Variants in MACROD2 observed in about 807,000 individuals in gnomAD.
MACROD2 encodes mono-ADP ribosylhydrolase 2, also known as ADP-ribose glycohydrolase MACROD2.
MACROD2 carries 36 observed loss-of-function variants against 70.4 expected under a neutral mutation model. That is an observed-to-expected ratio of 0.51 (90% CI 0.39 to 0.68). MACROD2 has a LOEUF of 0.68. MACROD2 is among the 30% of genes least tolerant of loss of function. MACROD2 has a pLI of 0.00. For synonymous variants in MACROD2, 172 were observed against 178.8 expected, an observed-to-expected ratio of 0.96 and a Z score of 0.30; for missense variants, 496 against 538.4, an observed-to-expected ratio of 0.92 and a Z score of 0.78.
At chr20:15,402,489 A>G (rs1044877014) in intron 6 of MACROD2, among the ~76,000 whole-genome samples, 3 of 152,238 alleles carry the variant, frequency 2.0e-5, no homozygotes, top group African/African-American at 7.2e-5. Flanking sequence ...TGTAAAGGCC[A>G]GGGGATTCAT....
intron 4 of MACROD2, among the ~76,000 whole-genome samples, chr20:14,550,047 T>C (rs565193111): frequency 6.6e-6 from 1 of 151,928 alleles, no homozygotes; most frequent in Admixed American, 6.6e-5. Context: ...TTCTGCCTCC[T>C]GAGTAGCTGG....
At chr20:15,456,894 G>A (rs2046734453) in intron 7 of MACROD2, among the ~76,000 whole-genome samples, 1 of 151,950 alleles carries the variant, frequency 6.6e-6, no homozygotes, top group Admixed American at 6.6e-5. Flanking sequence ...GTGAAGTTTG[G>A]CTGTCCCTTC....
chr20:14,898,514 G>A (rs1224570428), intron 5 of MACROD2, among the ~76,000 whole-genome samples: 2 of 152,114 alleles, frequency 1.3e-5, no homozygotes, highest in South Asian at 2.1e-4. Flanking sequence ...AGATCACGAG[G>A]CCAGGAGTTC....
At chr20:14,862,708 T>TATAAATATATATATAAATATATATAA (rs2073384087) in intron 5 of MACROD2, among the ~76,000 whole-genome samples, 1 of 91,276 alleles carries the variant, frequency 1.1e-5, no homozygotes, top group Non-Finnish European at 1.9e-5. Context: ...TAAATATATA[T>TATAAATATATATATAAATATATATAA]ATATATATTT....
intron 4 of MACROD2, among the ~76,000 whole-genome samples, chr20:14,649,533 G>A (rs1438449818): frequency 6.6e-6 from 1 of 152,114 alleles, no homozygotes; most frequent in African/African-American, 2.4e-5. Flanking sequence ...GCTGCAAAGG[G>A]GATCCAAGAC....
intron 8 of MACROD2, among the ~76,000 whole-genome samples, chr20:15,564,013 T>C (rs2048278875): frequency 6.6e-6 from 1 of 152,198 alleles, no homozygotes. Flanking sequence ...TTGGATTAGA[T>C]CCCCTAAACT....
intron 13 of MACROD2, among the ~76,000 whole-genome samples, chr20:15,971,398 G>A (rs1264442398): frequency 6.6e-6 from 1 of 152,086 alleles, no homozygotes; most frequent in Non-Finnish European, 1.5e-5. Context: ...CATGAGATCT[G>A]ATCGTTTTAT....
intron 4 of MACROD2, among the ~76,000 whole-genome samples, chr20:14,625,723 T>C (rs1263639424): frequency 2.6e-5 from 4 of 152,196 alleles, no homozygotes; most frequent in African/African-American, 9.6e-5. Context: ...CAGCTAGTTG[T>C]CAATGAATAT....
intron 8 of MACROD2, among the ~76,000 whole-genome samples, chr20:15,624,253 C>G (rs192822123): frequency 8.5e-5 from 13 of 152,314 alleles, no homozygotes; most frequent in Non-Finnish European, 1.9e-4. Flanking sequence ...TTCTGCCTGC[C>G]TTTTCTAGCC....
chr20:14,312,886 C>G (rs751884126), intron 3 of MACROD2, among the ~76,000 whole-genome samples: 2 of 152,202 alleles, frequency 1.3e-5, no homozygotes, highest in Non-Finnish European at 2.9e-5. Flanking sequence ...TTTTCACAAC[C>G]ACTATCCTGT....
chr20:14,823,539 G>A (rs566800109), intron 5 of MACROD2, among the ~76,000 whole-genome samples: 2 of 152,148 alleles, frequency 1.3e-5, no homozygotes, highest in South Asian at 2.1e-4. Flanking sequence ...CAAGACTGCT[G>A]CTAGATTACC....
intron 8 of MACROD2, among the ~76,000 whole-genome samples, chr20:15,581,573 G>A (rs888031856): frequency 2.0e-5 from 3 of 152,164 alleles, no homozygotes; most frequent in African/African-American, 7.2e-5. Context: ...AAGGCGTTAT[G>A]GAGGCAGTAA....
chr20:14,961,722 A>C (rs1438390331), intron 5 of MACROD2, among the ~76,000 whole-genome samples: 1 of 152,128 alleles, frequency 6.6e-6, no homozygotes, highest in Non-Finnish European at 1.5e-5. Flanking sequence ...AGCCTAAGTT[A>C]GGTGTTTAAA....
chr20:15,209,144 T>TA (rs1324069049), intron 5 of MACROD2, among the ~76,000 whole-genome samples: 3 of 149,048 alleles, frequency 2.0e-5, no homozygotes, highest in Non-Finnish European at 4.5e-5. Flanking sequence ...TTTATTTATT[T>TA]ATTTTTTAGT....
intron 8 of MACROD2, among the ~76,000 whole-genome samples, chr20:15,790,496 C>A (rs147723080): frequency 6.6e-6 from 1 of 151,894 alleles, no homozygotes; most frequent in African/African-American, 2.4e-5. Context: ...CCCTCTCTGA[C>A]AACATAATTG....
intron 4 of MACROD2, among the ~76,000 whole-genome samples, chr20:14,515,465 G>GCACACGCGCACACACACACA (rs71190139): frequency 7.9e-6 from 1 of 127,066 alleles, no homozygotes; most frequent in Non-Finnish European, 1.7e-5. Flanking sequence ...ACACACACAC[G>GCACACGCGCACACACACACA]CACACACACA....
chr20:14,863,881 T>G (rs1290963326), intron 5 of MACROD2, among the ~76,000 whole-genome samples: 1 of 152,110 alleles, frequency 6.6e-6, no homozygotes, highest in African/African-American at 2.4e-5. Flanking sequence ...ACTTACAAAC[T>G]CTAAACTCAC....
intron 8 of MACROD2, among the ~76,000 whole-genome samples, chr20:15,794,873 C>T (rs2063658655): frequency 6.6e-6 from 1 of 152,164 alleles, no homozygotes; most frequent in African/African-American, 2.4e-5. Flanking sequence ...TAGCTATGAT[C>T]AGATAGACCG....
chr20:14,929,940 T>A (rs919922267), intron 5 of MACROD2, among the ~76,000 whole-genome samples: 1 of 152,022 alleles, frequency 6.6e-6, no homozygotes, highest in Non-Finnish European at 1.5e-5. Context: ...CACAGGCGGA[T>A]CATGAGGTCA....
Sources: gnomAD v4.1 joint callset for allele counts (sites outside exome capture counted in the v4.1 genomes callset) on GRCh38, gnomAD v4.1.1 for gene constraint, MANE v1.5 for transcripts, NCBI Gene and HGNC (gene_info 2026-07-23, HGNC 2026-07-21) for gene names.